ZNF407: variants seen among roughly 807,000 people sequenced by gnomAD.
The protein encoded by ZNF407 is zinc finger protein 407.
ZNF407 carries 17 observed loss-of-function variants against 131.2 expected under a neutral mutation model. The observed-to-expected ratio is 0.13, with a 90% confidence interval of 0.09 to 0.19. The LOEUF (loss-of-function observed/expected upper bound fraction) is 0.19, where lower values mean the gene tolerates loss of function less well. ZNF407 is among the 10% of genes least tolerant of loss of function. The pLI is 1.00. For synonymous variants in ZNF407, 1,156 were observed against 1,062.0 expected, an observed-to-expected ratio of 1.09 and a Z score of -1.72; for missense variants, 2,681 against 2,830.6, an observed-to-expected ratio of 0.95 and a Z score of 1.20.
intron 3 of ZNF407, among the ~76,000 whole-genome samples, chr18:74,658,729 A>G (rs1459730292): frequency 6.6e-6 from 1 of 152,310 alleles, no homozygotes; most frequent in East Asian, 1.9e-4. Context: ...GTTTCTTCCT[A>G]ATTAAAATAT....
intron 3 of ZNF407, among the ~76,000 whole-genome samples, chr18:74,758,533 T>TACAAA (rs1265893705): frequency 6.6e-6 from 1 of 152,182 alleles, no homozygotes; most frequent in African/African-American, 2.4e-5. Context: ...TAATTACTGT[T>TACAAA]TTAACTAGAT....
At chr18:74,922,657 T>C (rs1207371607) in intron 8 of ZNF407, among the ~76,000 whole-genome samples, 1 of 152,214 alleles carries the variant, frequency 6.6e-6, no homozygotes, top group African/African-American at 2.4e-5. Flanking sequence ...TCTACATTGG[T>C]GTATAACTGC....
intron 3 of ZNF407, among the ~76,000 whole-genome samples, chr18:74,691,148 G>A (rs1023704822): frequency 1.3e-5 from 2 of 151,878 alleles, no homozygotes; most frequent in Non-Finnish European, 2.9e-5. Flanking sequence ...GCGTGGTGGT[G>A]TCTGCCTGTA....
intron 6 of ZNF407, among the ~76,000 whole-genome samples, chr18:74,882,549 G>A (rs17055816): frequency 0.027 from 4,146 of 152,290 alleles, 170 homozygotes; most frequent in African/African-American, 0.092. Context: ...ATCAATGCAA[G>A]CTAATGCCAG....
intron 3 of ZNF407, among the ~76,000 whole-genome samples, chr18:74,775,539 A>C (rs901782911): frequency 3.9e-5 from 6 of 152,192 alleles, no homozygotes; most frequent in Non-Finnish European, 7.3e-5. Context: ...CAGTTCCCAC[A>C]AATCTATTTT....
At chr18:74,705,768 T>G (rs1967610419) in intron 3 of ZNF407, among the ~76,000 whole-genome samples, 1 of 152,188 alleles carries the variant, frequency 6.6e-6, no homozygotes, top group African/African-American at 2.4e-5. Flanking sequence ...ATATGAAAAT[T>G]AAAAGAAACA....
intron 8 of ZNF407, among the ~76,000 whole-genome samples, chr18:75,035,273 CA>C: frequency 6.6e-6 from 1 of 152,284 alleles, no homozygotes; most frequent in African/African-American, 2.4e-5. Context: ...ACCCTTTCAC[CA>C]AACACAGGAT....
In ZNF407 at chr18:74,972,077, A is replaced by G. The variant is rs572306229; in HGVS notation, c.5428+51385A>G. ...AATAGCACGGGAAAAACTGGCCCCC[A>G]TGATTCAATTACCTCCCTCTGGGTC... On this transcript the variant is annotated intron_variant, in intron 8 of 8. Coordinates refer to ENST00000299687, the MANE Select transcript of ZNF407 (RefSeq NM_017757.3). 1.4e-3 allele frequency among the ~76,000 whole-genome samples: 218 copies of G among 152,274 alleles called. 3 individuals are homozygous for G. The highest frequency in any genetic ancestry group is 4.4e-3 in the African/African-American group (184 of 41,550).
In ZNF407 at chr18:74,921,488, T is replaced by C. The variant is rs563755831; in HGVS notation, c.5428+796T>C. On this transcript the variant is annotated intron_variant, in intron 8 of 8. Coordinates refer to ENST00000299687, the MANE Select transcript of ZNF407 (RefSeq NM_017757.3). ...GCAGCAGAGTTTGAATAAGGCCTGT[T>C]GATCAAGGATGTGCTTTAAGCAGAT... 5.3e-5 allele frequency among the ~76,000 whole-genome samples: 8 copies of C among 152,322 alleles called. No homozygotes were observed. The South Asian group carries it at 1.2e-3, about 24-fold the overall frequency.
intron 8 of ZNF407, among the ~76,000 whole-genome samples, chr18:74,942,314 C>T (rs1421855549): frequency 3.3e-5 from 5 of 152,088 alleles, no homozygotes; most frequent in African/African-American, 7.2e-5. Context: ...AGGAGGTCTT[C>T]TTTATCTTGG....
intron 8 of ZNF407, among the ~76,000 whole-genome samples, chr18:75,059,281 G>A (rs1277930687): frequency 2.6e-5 from 4 of 152,162 alleles, no homozygotes; most frequent in Non-Finnish European, 5.9e-5. Flanking sequence ...ACAAAGTAAA[G>A]AACAATTGCT....
rs559349936 is a variant in ZNF407 at position 74,604,746 on chromosome 18, C to T, written c.-54+6809C>T. 2.6e-5 allele frequency among the ~76,000 whole-genome samples: 4 copies of T among 152,350 alleles called. No homozygotes were observed. In the South Asian group the frequency reaches 8.3e-4, roughly 32 times the overall value. ...TGTTTTTGAGTTCTTTATATAAACA[C>T]TGTGCCAGATGCCTCTGTACATACA... On this transcript the variant is annotated intron_variant, in intron 1 of 8. Transcript: ENST00000299687.
intron 8 of ZNF407, among the ~76,000 whole-genome samples, chr18:75,044,167 A>C (rs1463622345): frequency 6.6e-6 from 1 of 152,120 alleles, no homozygotes; most frequent in East Asian, 1.9e-4. Flanking sequence ...AGGTTTTCAT[A>C]ATTTACAGAA....
At position 74,665,164 on chromosome 18, in the gene ZNF407, GT is replaced by G. The variant is rs1216697094; in HGVS notation, c.4802+24045del. ...TTAAGTTTTTCCTCTGTTAGTGTTA[GT>G]TTGGCTACACAGAGCAGAAATACTG... is the stretch of plus-strand genomic sequence containing the variant. On this transcript the variant is annotated intron_variant, in intron 3 of 8. Transcript: ENST00000299687. Among the ~76,000 whole-genome samples the G allele has an allele frequency of 3.3e-5, 5 of 152,168 alleles. 1 individual carries two copies. Among genetic ancestry groups the G allele is most frequent in the African/African-American group, 1.2e-4 (5 of 41,424 alleles).
intron 3 of ZNF407, among the ~76,000 whole-genome samples, chr18:74,667,029 G>T (rs185939855): frequency 1.8e-4 from 28 of 152,280 alleles, no homozygotes; most frequent in African/African-American, 6.3e-4. Flanking sequence ...TGTCTCAGTT[G>T]TCTCAGTCTT....
At chr18:74,855,716 A>AATATCCTCTAGCAC (rs1216630343) in intron 4 of ZNF407, among the ~76,000 whole-genome samples, 1 of 152,218 alleles carries the variant, frequency 6.6e-6, no homozygotes, top group African/African-American at 2.4e-5. Flanking sequence ...TCCTCTAGCA[A>AATATCCTCTAGCAC]ATATCTTCTG....
At chr18:75,056,753 C>T (rs997918636) in intron 8 of ZNF407, among the ~76,000 whole-genome samples, 7 of 152,162 alleles carry the variant, frequency 4.6e-5, no homozygotes, top group Non-Finnish European at 8.8e-5. Flanking sequence ...GCCAAACTAT[C>T]GGTGACTGCT....
chr18:74,666,170 T>C (rs950811395), intron 3 of ZNF407, among the ~76,000 whole-genome samples: 8 of 152,154 alleles, frequency 5.3e-5, no homozygotes, highest in African/African-American at 1.2e-4. Flanking sequence ...GAGGGCGCTC[T>C]GTGTGCCCTG....
In ZNF407 at chr18:75,063,820, C is replaced by A; in HGVS notation, c.6099C>A (p.Ala2033=). The change falls in exon 9 of 9, where the codon GCC becomes GCA. Residue 2033 remains alanine, a synonymous_variant. Coordinates refer to ENST00000299687, the MANE Select transcript of ZNF407 (RefSeq NM_017757.3). This position sits in a 1 kb window ranked among gnomAD's most constrained non-coding sequence, Gnocchi z 6.6. ...LPGQEVSHVA[A]DPEAPEIQMF... ...GGCAGGAGGTCTCCCATGTGGCTGCCGACCCCGAGGCCCCCGAGATCCAGA... is the reference window on the plus strand; with the variant it reads ...GGCAGGAGGTCTCCCATGTGGCTGCAGACCCCGAGGCCCCCGAGATCCAGA... 6.2e-7 allele frequency: 1 copy of A among 1,607,400 alleles called. No homozygotes were observed.
Sources: allele counts gnomAD v4.1 joint callset (sites outside exome capture counted in the v4.1 genomes callset), GRCh38; gene constraint gnomAD v4.1.1; non-coding constraint Gnocchi (gnomAD v3.1); transcripts MANE v1.5; gene names NCBI Gene and HGNC (gene_info 2026-07-23, HGNC 2026-07-21).